IL1RAPL1: variants seen among roughly 807,000 people sequenced by gnomAD.
IL1RAPL1 encodes interleukin 1 receptor accessory protein like 1.
Under a neutral mutation model 48.4 loss-of-function variants are expected in IL1RAPL1, and 3 were observed. That is an observed-to-expected ratio of 0.06 (90% CI 0.03 to 0.16). The LOEUF (loss-of-function observed/expected upper bound fraction) is 0.16. IL1RAPL1 is among the 10% of genes least tolerant of loss of function. The probability of loss-of-function intolerance (pLI) is 1.00; values close to 1 mark genes in which losing one functional copy is unlikely to be tolerated. For missense variants in IL1RAPL1, 349 were observed against 530.6 expected, an observed-to-expected ratio of 0.66 and a Z score of 3.36; for synonymous variants, 185 against 187.7, an observed-to-expected ratio of 0.99 and a Z score of 0.12.
intron 5 of IL1RAPL1, among the ~76,000 whole-genome samples, chrX:29,535,722 A>T (rs147119720): frequency 0.017 from 1,892 of 112,181 alleles, 43 homozygotes; most frequent in East Asian, 0.09. Context: ...AGTACTTAGT[A>T]TGTGAAGAAA....
chrX:29,722,628 CT>C (rs1164851323), intron 6 of IL1RAPL1, among the ~76,000 whole-genome samples: 1 of 111,467 alleles, frequency 9.0e-6, no homozygotes, highest in Non-Finnish European at 1.9e-5. Context: ...CATCTCTGTT[CT>C]TTTTTCAACA....
chrX:29,532,078 C>A (rs1045122662), intron 5 of IL1RAPL1, among the ~76,000 whole-genome samples: 3 of 111,925 alleles, frequency 2.7e-5, no homozygotes, highest in Non-Finnish European at 5.6e-5. Context: ...TAATTACAGT[C>A]TAAGCCCATC....
intron 3 of IL1RAPL1, among the ~76,000 whole-genome samples, chrX:29,356,949 A>G (rs948259361): frequency 2.7e-5 from 3 of 111,691 alleles, no homozygotes; most frequent in East Asian, 2.8e-4. Flanking sequence ...AGAAATGTTT[A>G]AACTATTTTA....
chrX:29,417,082 T>G (rs1191833409), intron 5 of IL1RAPL1, among the ~76,000 whole-genome samples: 4 of 111,873 alleles, frequency 3.6e-5, no homozygotes, highest in African/African-American at 1.3e-4. Context: ...TTTAAAGAGC[T>G]TCTATTACTC....
At chrX:28,986,861 A>G (rs944569598) in intron 2 of IL1RAPL1, among the ~76,000 whole-genome samples, 3 of 112,083 alleles carry the variant, frequency 2.7e-5, no homozygotes, top group African/African-American at 9.7e-5. Context: ...GCAGAATTCT[A>G]TTAAGGACTT....
intron 1 of IL1RAPL1, among the ~76,000 whole-genome samples, chrX:28,613,408 G>T: frequency 8.9e-6 from 1 of 112,546 alleles, no homozygotes; most frequent in Middle Eastern, 4.6e-3. Flanking sequence ...GTAATCCCCT[G>T]GTGAGTTTTC....
rs1338312754 is a variant in IL1RAPL1, at chrX:29,534,967, CA to C, written c.704-133452del. On this transcript the variant is annotated intron_variant, in intron 5 of 10. Transcript: ENST00000378993. ...CTGGGCGACGAGGGAGACTCCGTCT[CA>C]AAAAAAAAAAGAGAAATTAACCGAG... Among the ~76,000 whole-genome samples the C allele has an allele frequency of 6.4e-4, 61 of 96,036 alleles. 1 individual carries two copies. Among genetic ancestry groups the C allele is most frequent in the African/African-American group, 1.3e-3 (35 of 26,421 alleles). The allele number at this position is 96,036 out of a possible 115,157, so 83.4% of individuals were successfully genotyped here.
chrX:28,792,583 C>A (rs183799899), intron 2 of IL1RAPL1, among the ~76,000 whole-genome samples: 20 of 104,449 alleles, frequency 1.9e-4, no homozygotes, highest in African/African-American at 5.9e-4. Flanking sequence ...GTCAGGAGAT[C>A]GAGACCATCC....
At chrX:29,566,906 A>G (rs986940688) in intron 5 of IL1RAPL1, among the ~76,000 whole-genome samples, 3 of 111,978 alleles carry the variant, frequency 2.7e-5, no homozygotes, top group African/African-American at 9.7e-5. Context: ...GAGCAGAGGA[A>G]TTTATATCAA....
At chrX:29,150,817 G>A (rs958206491) in intron 2 of IL1RAPL1, among the ~76,000 whole-genome samples, 2 of 107,734 alleles carry the variant, frequency 1.9e-5, no homozygotes, top group East Asian at 2.9e-4. Flanking sequence ...AGCTACTCAG[G>A]AGGCCGAGGC....
chrX:29,100,791 C>G (rs181043112), intron 2 of IL1RAPL1, among the ~76,000 whole-genome samples: 31 of 111,855 alleles, frequency 2.8e-4, no homozygotes, highest in African/African-American at 9.7e-4. Context: ...AAAAAAGGCA[C>G]TTATCTCACA....
At chrX:29,223,250 A>AAAAT (rs1327745040) in intron 2 of IL1RAPL1, among the ~76,000 whole-genome samples, 4 of 111,885 alleles carry the variant, frequency 3.6e-5, no homozygotes, top group Non-Finnish European at 7.5e-5. Flanking sequence ...CTCTATAGGA[A>AAAAT]AAATACGTGT....
At chrX:29,098,872 C>T (rs1314534614) in intron 2 of IL1RAPL1, among the ~76,000 whole-genome samples, 2 of 112,320 alleles carry the variant, frequency 1.8e-5, no homozygotes, top group Non-Finnish European at 3.8e-5. Context: ...AATGTATGGC[C>T]GGGTGCAGAG....
intron 2 of IL1RAPL1, among the ~76,000 whole-genome samples, chrX:29,125,610 G>A (rs1459020465): frequency 9.0e-6 from 1 of 111,647 alleles, no homozygotes; most frequent in Non-Finnish European, 1.9e-5. Context: ...GATTCAGTAA[G>A]TCTATTCACT....
At chrX:28,925,426 T>C (rs1440608441) in intron 2 of IL1RAPL1, among the ~76,000 whole-genome samples, 1 of 111,697 alleles carries the variant, frequency 9.0e-6, no homozygotes, top group African/African-American at 3.3e-5. Context: ...TCAGCACATA[T>C]CAACTTTTAC....
intron 2 of IL1RAPL1, among the ~76,000 whole-genome samples, chrX:28,887,102 A>G: frequency 9.0e-6 from 1 of 111,408 alleles, no homozygotes; most frequent in Middle Eastern, 4.6e-3. Context: ...TGCCTCCTCC[A>G]CACATTCAGG....
intron 2 of IL1RAPL1, among the ~76,000 whole-genome samples, chrX:28,855,344 G>A (rs981518124): frequency 5.4e-5 from 6 of 110,137 alleles, no homozygotes; most frequent in Middle Eastern, 4.7e-3. Context: ...AATTACTTCC[G>A]TCCTGTCTGC....
At chrX:29,775,932 A>T (rs1377858907) in intron 6 of IL1RAPL1, among the ~76,000 whole-genome samples, 1 of 111,069 alleles carries the variant, frequency 9.0e-6, no homozygotes, top group Non-Finnish European at 1.9e-5. Flanking sequence ...TTTCTCTGCC[A>T]CCTTGCACCC....
At chrX:29,587,364 G>C (rs1015944285) in intron 5 of IL1RAPL1, among the ~76,000 whole-genome samples, 1 of 86,670 alleles carries the variant, frequency 1.2e-5, no homozygotes, top group South Asian at 6.5e-4. Context: ...GTTACCAGGG[G>C]TTGAGGTTGT....
Sources: allele counts gnomAD v4.1 joint callset (sites outside exome capture counted in the v4.1 genomes callset), GRCh38; gene constraint gnomAD v4.1.1; transcripts MANE v1.5; gene names NCBI Gene and HGNC (gene_info 2026-07-23, HGNC 2026-07-21).